The following ZC3H3 variants were observed in gnomAD, a reference collection of about 807,000 sequenced individuals.
ZC3H3 encodes zinc finger CCCH domain-containing protein 3.
A neutral mutation model predicts 77.3 loss-of-function variants in ZC3H3; 36 were observed. The observed-to-expected ratio is 0.47, with a 90% CI of 0.36 to 0.61. The LOEUF is 0.61. Among genes scored for constraint, ZC3H3 ranks in the 20% least tolerant of loss-of-function variants. ZC3H3 has a pLI of 0.00. For synonymous variants in ZC3H3, 626 were observed against 555.2 expected, an observed-to-expected ratio of 1.13 and a Z score of -1.79; for missense variants, 1,331 against 1,312.2, an observed-to-expected ratio of 1.01 and a Z score of -0.22.
At chr8:143,453,100 G>GT in intron 9 of ZC3H3, among the ~76,000 whole-genome samples, 1 of 152,196 alleles carries the variant, frequency 6.6e-6, no homozygotes, top group East Asian at 1.9e-4. Context: ...CATTATGTTT[G>GT]TTTTTTTGAG....
rs377388122 is a variant in ZC3H3 at position 143,516,392 on chromosome 8, C to T, written c.1562-8493G>A. 1.0e-3 allele frequency among the ~76,000 whole-genome samples: 152 copies of T among 152,226 alleles called. 2 individuals are homozygous for T. The East Asian group carries it at 0.018, about 18-fold the overall frequency. ...GGCACCCTCGAACCCTCTGGCCCCA[C>T]GCCCTGAGGCTGCTCCGCAGGGTGG... is the stretch of plus-strand genomic sequence containing the variant. On this transcript the variant is annotated intron_variant, in intron 3 of 11. Transcript: ENST00000262577.
At chr8:143,449,206 C>T (rs1819929986) in intron 9 of ZC3H3, among the ~76,000 whole-genome samples, 1 of 152,246 alleles carries the variant, frequency 6.6e-6, no homozygotes, top group Non-Finnish European at 1.5e-5. Context: ...GTTATTAGCA[C>T]TTGCCTTCCT....
chr8:143,513,363 G>A (rs564957601), intron 3 of ZC3H3, among the ~76,000 whole-genome samples: 196 of 152,296 alleles, frequency 1.3e-3, no homozygotes, highest in Non-Finnish European at 1.7e-3. Context: ...CAGACCAGCC[G>A]ACAAGGCAGG....
At chr8:143,537,211 A>G (rs1822829313) in intron 2 of ZC3H3, among the ~76,000 whole-genome samples, 1 of 152,190 alleles carries the variant, frequency 6.6e-6, no homozygotes, top group South Asian at 2.1e-4. Flanking sequence ...ACAAGTCCGC[A>G]AGGGTGGAGG....
chr8:143,505,384 A>G (rs934306417), intron 4 of ZC3H3, among the ~76,000 whole-genome samples: 6 of 152,238 alleles, frequency 3.9e-5, no homozygotes, highest in Non-Finnish European at 5.9e-5. Flanking sequence ...CCGCTGGCCC[A>G]GACGCCCTTT....
At chr8:143,476,957 C>A (rs1586903731) in intron 4 of ZC3H3, among the ~76,000 whole-genome samples, 1 of 152,354 alleles carries the variant, frequency 6.6e-6, no homozygotes, top group African/African-American at 2.4e-5. Flanking sequence ...GAAGGTGGGG[C>A]TCGCTTGTCT....
intron 9 of ZC3H3, among the ~76,000 whole-genome samples, chr8:143,442,504 C>T (rs1479427762): frequency 2.6e-5 from 4 of 151,876 alleles, no homozygotes; most frequent in African/African-American, 9.7e-5. Context: ...AGGCATCCCA[C>T]GCGGTACTGG....
At chr8:143,492,369 C>G (rs1821232116) in intron 4 of ZC3H3, among the ~76,000 whole-genome samples, 1 of 152,084 alleles carries the variant, frequency 6.6e-6, no homozygotes, top group Non-Finnish European at 1.5e-5. Context: ...AGCATCAGGC[C>G]ACTCCCAGGG....
At chr8:143,535,052 CTTTT>C (rs916998716) in intron 3 of ZC3H3, among the ~76,000 whole-genome samples, 5 of 149,006 alleles carry the variant, frequency 3.4e-5, no homozygotes, top group African/African-American at 1.2e-4. Flanking sequence ...GGCTGGGTTT[CTTTT>C]TTTTTTGAGA....
At chr8:143,523,473 TC>T in intron 3 of ZC3H3, 1 of 985,208 alleles carries the variant, frequency 1.0e-6, no homozygotes, top group African/African-American at 1.7e-5. Context: ...TGGAAGACAC[TC>T]CCCGCTGCAA....
intron 9 of ZC3H3, among the ~76,000 whole-genome samples, chr8:143,441,404 T>C (rs1486162111): frequency 1.4e-4 from 22 of 152,154 alleles, no homozygotes; most frequent in Non-Finnish European, 2.8e-4. Flanking sequence ...TCCCAGAGCC[T>C]GCAGCCAGGC....
At chr8:143,445,577 C>A (rs966209964) in intron 9 of ZC3H3, among the ~76,000 whole-genome samples, 1 of 151,794 alleles carries the variant, frequency 6.6e-6, no homozygotes, top group Admixed American at 6.6e-5. Context: ...CCTATAATCC[C>A]TGCTGCTTGA....
chr8:143,460,915 G>A lies in ZC3H3; in HGVS notation c.2307+4802C>T, dbSNP rs1021570198. ...CTTAGAGGACATAGCTAGAGGAGGC[G>A]CCTTCACTAACTAGTTAGGTGTCTA... On this transcript the variant is annotated intron_variant, in intron 9 of 11. Transcript: ENST00000262577. This position sits in a 1 kb window ranked among gnomAD's most constrained non-coding sequence, Gnocchi z 4.0. Among the ~76,000 whole-genome samples, 4 of 152,174 alleles carry A rather than the reference G, an allele frequency of 2.6e-5. No homozygotes were observed. The highest frequency in any genetic ancestry group is 1.3e-4 in the Admixed American group (2 of 15,274).
intron 9 of ZC3H3, among the ~76,000 whole-genome samples, chr8:143,452,425 C>G (rs749558851): frequency 5.3e-5 from 8 of 152,212 alleles, no homozygotes; most frequent in Non-Finnish European, 1.0e-4. Flanking sequence ...CTCCACCCAA[C>G]AGCCAGCATG....
chr8:143,527,317 C>T (rs1454156791), intron 3 of ZC3H3, among the ~76,000 whole-genome samples: 3 of 152,154 alleles, frequency 2.0e-5, no homozygotes, highest in Admixed American at 6.5e-5. Context: ...AAGAGGACTA[C>T]CTCAATCCAT....
chr8:143,527,774 G>A (rs1822466055), intron 3 of ZC3H3, among the ~76,000 whole-genome samples: 1 of 152,150 alleles, frequency 6.6e-6, no homozygotes, highest in South Asian at 2.1e-4. Flanking sequence ...AGCCTCCCAG[G>A]TGGGCAATGC....
At chr8:143,498,859 A>G (rs1168430971) in intron 4 of ZC3H3, among the ~76,000 whole-genome samples, 7 of 39,638 alleles carry the variant, frequency 1.8e-4, no homozygotes, top group Admixed American at 1.1e-3. Context: ...GGTACAGGGC[A>G]GGGCAGGGGG....
At chr8:143,537,974 A>G (rs777159441) in intron 2 of ZC3H3, 29 bp downstream of exon 2, 1 of 1,565,340 alleles carries the variant, frequency 6.4e-7, no homozygotes, top group African/African-American at 1.4e-5. Flanking sequence ...AGCCCCTCAC[A>G]CTCTACCGCA....
At chr8:143,473,325 C>T (rs1455626237) in intron 5 of ZC3H3, among the ~76,000 whole-genome samples, 1 of 152,130 alleles carries the variant, frequency 6.6e-6, no homozygotes, top group Non-Finnish European at 1.5e-5. Context: ...CTTCTGGGCC[C>T]TCTCAGTTTT....
Sources: allele counts gnomAD v4.1 joint callset (sites outside exome capture counted in the v4.1 genomes callset), GRCh38; gene constraint gnomAD v4.1.1; non-coding constraint Gnocchi (gnomAD v3.1); transcripts MANE v1.5; gene names NCBI Gene and HGNC (gene_info 2026-07-23, HGNC 2026-07-21).